Variants in NEGR1 observed in about 807,000 individuals in gnomAD.
NEGR1 encodes the protein neuronal growth regulator 1, also known as IgLON family member 4.
Under a neutral mutation model 40.9 loss-of-function variants are expected in NEGR1, and 10 were observed. That is an observed-to-expected ratio of 0.24 (90% confidence interval 0.15 to 0.42). The LOEUF is 0.42. Ranked by LOEUF, NEGR1 falls within the 10% of genes least tolerant of loss-of-function variation. The pLI is 1.00. For synonymous variants in NEGR1, 185 were observed against 166.8 expected (o/e 1.11, Z -0.84); for missense variants, 352 against 438.9 (o/e 0.80, Z 1.77).
At position 71,554,198 on chromosome 1, in the gene NEGR1, T is replaced by G. The variant is rs185219602; in HGVS notation, c.940+38619A>C. On this transcript the variant is annotated intron_variant, in intron 6 of 6. Transcript: ENST00000357731. ...AACATTTTAGCCCCCAAAATTTCTATTATAGAACATTGATTGTTTTTCTAT... is the reference window on the plus strand; with the variant it reads ...AACATTTTAGCCCCCAAAATTTCTAGTATAGAACATTGATTGTTTTTCTAT... Among the ~76,000 whole-genome samples, 19 of 151,682 alleles carry G rather than the reference T, an allele frequency of 1.3e-4. No homozygotes were observed. The East Asian group carries it at 2.3e-3, about 19-fold the overall frequency.
chr1:72,188,312 A>T (rs2100424182), intron 1 of NEGR1, among the ~76,000 whole-genome samples: 1 of 151,556 alleles, frequency 6.6e-6, no homozygotes, highest in African/African-American at 2.4e-5. Flanking sequence ...TTATGAACAT[A>T]AATTTTTCCT....
At chr1:71,676,170 T>A (rs1000133934) in intron 4 of NEGR1, among the ~76,000 whole-genome samples, 1 of 152,150 alleles carries the variant, frequency 6.6e-6, no homozygotes, top group Non-Finnish European at 1.5e-5. Flanking sequence ...GGAAGAGGGT[T>A]CCAAGCCACT....
intron 1 of NEGR1, among the ~76,000 whole-genome samples, chr1:72,083,969 C>G (rs975664902): frequency 6.6e-6 from 1 of 152,150 alleles, no homozygotes; most frequent in Non-Finnish European, 1.5e-5. Context: ...GTACAATAAC[C>G]TGCATCCACC....
chr1:71,984,675 A>C lies in NEGR1; in HGVS notation c.177-49364T>G, dbSNP rs191545717. 1.6e-3 allele frequency among the ~76,000 whole-genome samples: 248 copies of C among 152,294 alleles called. 1 individual carries two copies. The highest frequency in any genetic ancestry group is 2.6e-3 in the Non-Finnish European group (177 of 68,016). On this transcript the variant is annotated intron_variant, in intron 1 of 6. Coordinates refer to ENST00000357731, the MANE Select transcript of NEGR1 (RefSeq NM_173808.3). ...ATAGTTGTAGTGAGAAATAATTTTT[A>C]AAATTTGTGTAAAATGAATATAAGA... is the stretch of plus-strand genomic sequence containing the variant.
At chr1:72,202,001 T>C (rs1653235060) in intron 1 of NEGR1, among the ~76,000 whole-genome samples, 1 of 151,968 alleles carries the variant, frequency 6.6e-6, no homozygotes, top group Non-Finnish European at 1.5e-5. Flanking sequence ...GGTACCATTT[T>C]TCCAACATCA....
At chr1:72,206,524 C>T (rs953661277) in intron 1 of NEGR1, among the ~76,000 whole-genome samples, 2 of 152,092 alleles carry the variant, frequency 1.3e-5, no homozygotes, top group African/African-American at 4.8e-5. Flanking sequence ...TTAATGGCCA[C>T]TTCTTCCAAT....
intron 6 of NEGR1, among the ~76,000 whole-genome samples, chr1:71,418,286 G>T (rs1046378718): frequency 1.9e-4 from 29 of 151,130 alleles, no homozygotes; most frequent in African/African-American, 6.8e-4. Flanking sequence ...AACCACCTGT[G>T]CCTACTTTTT....
chr1:72,071,081 C>T, intron 1 of NEGR1, among the ~76,000 whole-genome samples: 1 of 151,808 alleles, frequency 6.6e-6, no homozygotes, highest in East Asian at 1.9e-4. Flanking sequence ...ACAGAAGATT[C>T]AATTCTCAAA....
At chr1:72,050,709 G>A (rs1647051602) in intron 1 of NEGR1, among the ~76,000 whole-genome samples, 1 of 151,372 alleles carries the variant, frequency 6.6e-6, no homozygotes, top group Admixed American at 6.6e-5. Flanking sequence ...CCATCTCACT[G>A]AATAAACTTG....
At chr1:71,446,828 G>GTAAC (rs1646585791) in intron 6 of NEGR1, among the ~76,000 whole-genome samples, 1 of 152,164 alleles carries the variant, frequency 6.6e-6, no homozygotes, top group African/African-American at 2.4e-5. Context: ...ATCGATAAGA[G>GTAAC]TAACCATTAT....
chr1:72,072,883 A>G (rs1569916331), intron 1 of NEGR1, among the ~76,000 whole-genome samples: 1 of 152,202 alleles, frequency 6.6e-6, no homozygotes, highest in Non-Finnish European at 1.5e-5. Context: ...GATAATAGTC[A>G]CAAATTAATC....
intron 6 of NEGR1, chr1:71,421,439 G>T (rs1218276254): frequency 6.6e-6 from 1 of 152,012 alleles, no homozygotes; most frequent in Non-Finnish European, 1.5e-5. Flanking sequence ...ATGGAAAAAG[G>T]ATTAAGAGAA....
At chr1:72,262,405 T>C (rs1343706071) in intron 1 of NEGR1, among the ~76,000 whole-genome samples, 1 of 152,008 alleles carries the variant, frequency 6.6e-6, no homozygotes, top group Non-Finnish European at 1.5e-5. Flanking sequence ...GGGAGAAGAA[T>C]ACACAGGGTT....
chr1:72,110,221 TA>T (rs57618301), intron 1 of NEGR1, among the ~76,000 whole-genome samples: 26,078 of 106,936 alleles, frequency 0.24, 2,379 homozygotes, highest in East Asian at 0.4. Context: ...TAGAGTATAA[TA>T]AAAAAAAAAA....
chr1:71,776,318 G>C (rs1656505932), intron 2 of NEGR1, 21 bp from the exon 3 acceptor site: 2 of 1,482,622 alleles, frequency 1.3e-6, no homozygotes, highest in Non-Finnish European at 1.8e-6. Flanking sequence ...AAAATACGCA[G>C]TGATTAGAAA....
intron 5 of NEGR1, among the ~76,000 whole-genome samples, chr1:71,604,338 A>G (rs1557584140): frequency 1.3e-5 from 2 of 152,184 alleles, no homozygotes; most frequent in Non-Finnish European, 2.9e-5. Flanking sequence ...AATAAATTGC[A>G]TGAAAACAGT....
At position 71,771,095 on chromosome 1, in the gene NEGR1, T is replaced by C. The variant is rs1033423562; in HGVS notation, c.535+5077A>G. Among the ~76,000 whole-genome samples, 12 of 152,268 alleles carry C rather than the reference T, an allele frequency of 7.9e-5. No homozygotes were observed. The East Asian group carries it at 2.1e-3, about 27-fold the overall frequency. Reference sequence around the variant, plus strand: ...GACTGGATAAAGAAAATGTGGCATATATACACCATGGAATACTATGCAGCC... The same window carrying C: ...GACTGGATAAAGAAAATGTGGCATACATACACCATGGAATACTATGCAGCC... On this transcript the variant is annotated intron_variant, in intron 3 of 6. Coordinates refer to ENST00000357731, the MANE Select transcript of NEGR1 (RefSeq NM_173808.3).
chr1:72,107,169 G>A (rs930241874), intron 1 of NEGR1, among the ~76,000 whole-genome samples: 3 of 151,614 alleles, frequency 2.0e-5, no homozygotes, highest in Non-Finnish European at 4.4e-5. Context: ...TAACAGAGGA[G>A]GGAAATGAAC....
At chr1:72,149,645 G>A (rs570436210) in intron 1 of NEGR1, among the ~76,000 whole-genome samples, 1 of 151,894 alleles carries the variant, frequency 6.6e-6, no homozygotes, top group South Asian at 2.1e-4. Context: ...AACTTTGGGA[G>A]GCTGAGGTGG....
Sources: gnomAD v4.1 joint callset for allele counts (sites outside exome capture counted in the v4.1 genomes callset) on GRCh38, gnomAD v4.1.1 for gene constraint, MANE v1.5 for transcripts, NCBI Gene and HGNC (gene_info 2026-07-23, HGNC 2026-07-21) for gene names.